The following PRORP variants were observed in gnomAD, a reference collection of about 807,000 sequenced individuals.
PRORP encodes mitochondrial ribonuclease P catalytic subunit.
PRORP carries 51 observed loss-of-function variants against 59.4 expected under a neutral mutation model. The observed-to-expected ratio is 0.86, with a 90% CI of 0.69 to 1.08. The LOEUF is 1.08. Among genes scored for constraint, PRORP ranks in the 50% least tolerant of loss-of-function variants. PRORP has a pLI of 0.00. For synonymous variants in PRORP, 231 were observed against 245.6 expected, an observed-to-expected ratio of 0.94 and a Z score of 0.55; for missense variants, 646 against 690.3, an observed-to-expected ratio of 0.94 and a Z score of 0.72.
intron 5 of PRORP, among the ~76,000 whole-genome samples, chr14:35,193,079 G>A (rs1473707472): frequency 1.3e-5 from 2 of 151,682 alleles, no homozygotes; most frequent in Admixed American, 6.6e-5. Context: ...CCATAATTCA[G>A]TCCTAATGCT....
intron 4 of PRORP, among the ~76,000 whole-genome samples, chr14:35,177,073 T>C (rs1256052843): frequency 6.6e-6 from 1 of 152,238 alleles, no homozygotes; most frequent in Non-Finnish European, 1.5e-5. Context: ...GAACCAGCCT[T>C]GCATCCCAGG....
Position 35,167,152 on chromosome 14 carries a change from G to C in PRORP, c.1168-13518G>C, listed in dbSNP as rs760114283. ...CTCTTTAGATGATAAAGTGTTCAAA[G>C]ATGCTGTATTTGCCTAACTCTCCTG... On this transcript the variant is annotated intron_variant, in intron 4 of 7. Coordinates refer to ENST00000534898, the MANE Select transcript of PRORP (RefSeq NM_014672.4). Among the ~76,000 whole-genome samples, 224 of 152,146 alleles carry C rather than the reference G, an allele frequency of 1.5e-3. 2 individuals are homozygous for C. The highest frequency in any genetic ancestry group is 2.2e-3 in the Non-Finnish European group (149 of 68,028).
Position 35,123,174 on chromosome 14 carries a change from T to C in PRORP, c.-72T>C. 7.4e-6 allele frequency: 11 copies of C among 1,480,408 alleles called. No individual in the cohort carries two copies. Among genetic ancestry groups the C allele is most frequent in the Non-Finnish European group, 9.1e-6 (10 of 1,100,526 alleles). 91.7% of individuals were successfully genotyped at this position (1,480,408 alleles called of 1,614,324 possible). A position where few individuals can be genotyped will look rare whatever the true frequency, so the allele number is the denominator to read the frequency against. On this transcript the variant is annotated 5_prime_UTR_variant, in exon 2 of 8. Coordinates refer to ENST00000534898, the MANE Select transcript of PRORP (RefSeq NM_014672.4). The stretch of plus-strand genomic sequence containing the variant: ...GACTCTGCACCGCCGACCCCCAATC[T>C]CTTTAATTTTGCCATAGAAGAGGGG...
chr14:35,256,704 G>A (rs1480512167), intron 5 of PRORP, among the ~76,000 whole-genome samples: 2 of 151,994 alleles, frequency 1.3e-5, no homozygotes, highest in Admixed American at 6.6e-5. Flanking sequence ...TGATATGTCT[G>A]GGATTTGTTT....
intron 4 of PRORP, among the ~76,000 whole-genome samples, chr14:35,156,155 G>T (rs79579891): frequency 0.014 from 2,081 of 152,300 alleles, 49 homozygotes; most frequent in African/African-American, 0.047. Flanking sequence ...ATTCTGGTGT[G>T]GTTAGGCATT....
chr14:35,228,713 G>T (rs2050000165), intron 5 of PRORP, among the ~76,000 whole-genome samples: 2 of 152,164 alleles, frequency 1.3e-5, no homozygotes, highest in Non-Finnish European at 2.9e-5. Context: ...ACCATTGATG[G>T]GCATCTAGGT....
chr14:35,160,886 G>A (rs60206834), intron 4 of PRORP, among the ~76,000 whole-genome samples: 8,689 of 152,272 alleles, frequency 0.057, 392 homozygotes, highest in African/African-American at 0.13. Flanking sequence ...ATGCATACAT[G>A]CATACTACAA....
At position 35,277,406 on chromosome 14, in the gene PRORP, A is replaced by G. The variant is rs1248749454; in HGVS notation, c.*3840A>G. ...GCAAGAATAAGAAAGGAAATTTGTAAAAGGCACTTAGGAGTGAGCAGAAAG... is the reference window on the plus strand; with the variant it reads ...GCAAGAATAAGAAAGGAAATTTGTAGAAGGCACTTAGGAGTGAGCAGAAAG... On this transcript the variant is annotated 3_prime_UTR_variant, in exon 8 of 8. Transcript: ENST00000534898. The G allele has an allele frequency of 6.6e-6, 1 of 152,422 alleles. No individual in the cohort carries two copies. Among genetic ancestry groups the G allele is most frequent in the Non-Finnish European group, 1.5e-5 (1 of 68,248 alleles). 9.4% of individuals were successfully genotyped at this position (152,422 alleles called of 1,614,324 possible).
At chr14:35,232,682 C>CT (rs1043445216) in intron 5 of PRORP, among the ~76,000 whole-genome samples, 55 of 150,944 alleles carry the variant, frequency 3.6e-4, no homozygotes, top group East Asian at 1.4e-3. Flanking sequence ...TCTCCTTCCT[C>CT]TTTTTTTTTG....
chr14:35,240,074 CAAA>C (rs773150066), intron 5 of PRORP, among the ~76,000 whole-genome samples: 4 of 107,276 alleles, frequency 3.7e-5, no homozygotes, highest in Admixed American at 9.3e-5. Flanking sequence ...GACTCCATCT[CAAA>C]AAAAAAAAAA....
At chr14:35,255,439 G>GT (rs1261475120) in intron 5 of PRORP, among the ~76,000 whole-genome samples, 1 of 152,092 alleles carries the variant, frequency 6.6e-6, no homozygotes, top group Middle Eastern at 3.2e-3. Flanking sequence ...TGGAATAACT[G>GT]TTTTTTTATA....
intron 5 of PRORP, among the ~76,000 whole-genome samples, chr14:35,229,797 AT>A (rs1291093589): frequency 1.3e-5 from 2 of 151,998 alleles, no homozygotes; most frequent in Non-Finnish European, 2.9e-5. Flanking sequence ...CATTCACTGG[AT>A]TTTTTTCAAA....
At chr14:35,203,572 T>C (rs2139138240) in intron 5 of PRORP, among the ~76,000 whole-genome samples, 1 of 152,220 alleles carries the variant, frequency 6.6e-6, no homozygotes, top group African/African-American at 2.4e-5. Flanking sequence ...AGTCTAAAGA[T>C]ATTCTTTTGA....
intron 5 of PRORP, among the ~76,000 whole-genome samples, chr14:35,227,957 A>G (rs2049977792): frequency 6.6e-6 from 1 of 152,094 alleles, no homozygotes; most frequent in African/African-American, 2.4e-5. Flanking sequence ...AGCCTGGCCA[A>G]TATGGTGAAA....
At chr14:35,230,313 A>T (rs756692846) in intron 5 of PRORP, among the ~76,000 whole-genome samples, 10 of 152,166 alleles carry the variant, frequency 6.6e-5, no homozygotes, top group Admixed American at 6.5e-4. Flanking sequence ...TGGCCTCCCA[A>T]GGTATTGGGA....
chr14:35,214,050 G>A (rs1203687165), intron 5 of PRORP, among the ~76,000 whole-genome samples: 2 of 152,180 alleles, frequency 1.3e-5, no homozygotes, highest in Non-Finnish European at 2.9e-5. Context: ...TTTAAAGACT[G>A]TTAATGGTGA....
At chr14:35,189,775 T>A (rs2139078809) in intron 5 of PRORP, among the ~76,000 whole-genome samples, 1 of 152,230 alleles carries the variant, frequency 6.6e-6, no homozygotes, top group African/African-American at 2.4e-5. Context: ...GAATAGAAAA[T>A]AGTATTTACC....
intron 7 of PRORP, 41 bp downstream of exon 7, chr14:35,270,637 G>C (rs1284521258): frequency 6.5e-7 from 1 of 1,532,324 alleles, no homozygotes. Flanking sequence ...ACAGAGTCAA[G>C]TATACAGTAA....
chr14:35,195,538 A>G (rs572391463), intron 5 of PRORP, among the ~76,000 whole-genome samples: 23 of 152,278 alleles, frequency 1.5e-4, no homozygotes, highest in African/African-American at 5.3e-4. Context: ...TTATATAGTT[A>G]TGTATTTTTA....
Sources: gnomAD v4.1 joint callset for allele counts (sites outside exome capture counted in the v4.1 genomes callset) on GRCh38, gnomAD v4.1.1 for gene constraint, MANE v1.5 for transcripts, NCBI Gene and HGNC (gene_info 2026-07-23, HGNC 2026-07-21) for gene names.